UEVLD: variants seen among roughly 807,000 people sequenced by gnomAD.
The protein encoded by UEVLD is UEV and lactate/malate dehyrogenase domains, also known as ubiquitin-conjugating enzyme E2 variant 3.
A neutral mutation model predicts 58.6 loss-of-function variants in UEVLD; 47 were observed. The observed-to-expected ratio is 0.80, with a 90% confidence interval of 0.63 to 1.02. The LOEUF is 1.02. UEVLD is among the 50% of genes least tolerant of loss of function. The pLI is 0.00. For synonymous variants in UEVLD, 197 were observed against 195.3 expected (o/e 1.01, Z -0.07); for missense variants, 510 against 550.6 (o/e 0.93, Z 0.74).
Position 18,532,269 on chromosome 11 carries a change from A to G in UEVLD, c.*51T>C. 1.3e-6 allele frequency: 2 copies of G among 1,511,152 alleles called. No homozygotes were observed. Among genetic ancestry groups the G allele is most frequent in the South Asian group, 1.3e-5 (1 of 74,440 alleles). The allele number at this position is 1,511,152 out of a possible 1,614,324, so 93.6% of individuals were successfully genotyped here. A position where few individuals can be genotyped will look rare whatever the true frequency, so the allele number is the denominator to read the frequency against. On this transcript the variant is annotated 3_prime_UTR_variant, in exon 12 of 12. Transcript: ENST00000396197. ...CAAACCTATATATAGGTAAAATTAA[A>G]TGACTTTTCCCTTTAGGTAGAAGTC...
At chr11:18,544,847 T>C in intron 8 of UEVLD, 51 bp from the exon 9 acceptor site, 2 of 1,356,082 alleles carry the variant, frequency 1.5e-6, no homozygotes, top group South Asian at 1.6e-5. Context: ...AATATATACT[T>C]CTAGCCTAGC....
chr11:18,545,667 A>G (rs1213659321), intron 8 of UEVLD, among the ~76,000 whole-genome samples: 1 of 142,682 alleles, frequency 7.0e-6, no homozygotes, highest in East Asian at 2.2e-4. Flanking sequence ...CTGGTCTCAA[A>G]CTCCTGACCT....
At chr11:18,582,142 C>T (rs1853272205) in intron 1 of UEVLD, among the ~76,000 whole-genome samples, 1 of 152,130 alleles carries the variant, frequency 6.6e-6, no homozygotes, top group African/African-American at 2.4e-5. Flanking sequence ...GTTTCATTTT[C>T]CACTATTTTT....
chr11:18,554,729 G>A (rs1459092709), intron 7 of UEVLD, among the ~76,000 whole-genome samples: 2 of 152,032 alleles, frequency 1.3e-5, no homozygotes, highest in African/African-American at 4.8e-5. Flanking sequence ...TCTCCAGATT[G>A]TCGGTATATA....
intron 1 of UEVLD, among the ~76,000 whole-genome samples, chr11:18,581,187 GCTCTACTGCCTACAAA>G (rs1242062282): frequency 1.3e-5 from 2 of 150,094 alleles, no homozygotes; most frequent in African/African-American, 4.9e-5. Context: ...AAAAGATATA[GCTCTACTGCCTACAAA>G]CTTCAACAGG....
At chr11:18,534,222 G>A in intron 11 of UEVLD, 108 bp downstream of exon 11, 3 of 803,422 alleles carry the variant, frequency 3.7e-6, no homozygotes, top group Non-Finnish European at 5.3e-6. Flanking sequence ...TCTAAAAGCT[G>A]GTGATACTGA....
In UEVLD at chr11:18,566,384, C is replaced by T. The variant is rs754279767; in HGVS notation, c.456G>A (p.Gln152=). ...TTGCAATATAGGCTAGCAAGTCTACCTGCCGTGCCTCATCAGATGATGATA... is the reference window on the plus strand; with the variant it reads ...TTGCAATATAGGCTAGCAAGTCTACTTGCCGTGCCTCATCAGATGATGATA... ...YSLSSSDEAR[Q]VDLLAYIAKI... is the part of the protein sequence containing the mutation. The change falls in exon 5 of 12, where the codon CAG becomes CAA. Residue 152 remains glutamine (Q), a synonymous_variant. Coordinates refer to ENST00000396197, the MANE Select transcript of UEVLD (RefSeq NM_001040697.4). 1.2e-6 allele frequency: 2 copies of T among 1,614,096 alleles called. No individual in the cohort carries two copies. The highest frequency in any genetic ancestry group is 2.2e-5 in the South Asian group (2 of 91,078).
chr11:18,570,445 G>T, intron 3 of UEVLD, 68 bp from the exon 4 acceptor site: 1 of 1,385,868 alleles, frequency 7.2e-7, no homozygotes, highest in Non-Finnish European at 9.5e-7. Context: ...ATAGCTAGGC[G>T]GCATTTTAAG....
Position 18,530,322 on chromosome 11 carries a change from T to C in UEVLD, c.*1998A>G, listed in dbSNP as rs1009748809. On this transcript the variant is annotated 3_prime_UTR_variant, in exon 12 of 12. Coordinates refer to ENST00000396197, the MANE Select transcript of UEVLD (RefSeq NM_001040697.4). ...TCTCTTCAAATGTCCAAGGTTTTTA[T>C]TCAGTTAACTCTGGTTGGAATCTTT... 1.3e-5 allele frequency: 2 copies of C among 152,266 alleles called. No individual in the cohort carries two copies. The highest frequency in any genetic ancestry group is 2.9e-5 in the Non-Finnish European group (2 of 68,044). 9.4% of individuals were successfully genotyped at this position (152,266 alleles called of 1,614,324 possible). A position where few individuals can be genotyped will look rare whatever the true frequency, so the allele number is the denominator to read the frequency against.
intron 1 of UEVLD, 74 bp downstream of exon 1, chr11:18,588,539 G>A: frequency 6.4e-7 from 1 of 1,551,810 alleles, no homozygotes. Flanking sequence ...CAAAACGGAG[G>A]CAACCTGGCC....
intron 2 of UEVLD, among the ~76,000 whole-genome samples, chr11:18,577,451 A>G (rs1852975623): frequency 6.6e-6 from 1 of 152,234 alleles, no homozygotes; most frequent in Admixed American, 6.5e-5. Context: ...ACTGGGACAC[A>G]CTGATAGAGA....
chr11:18,566,325 T>C, intron 5 of UEVLD, 22 bp downstream of exon 5: 1 of 1,613,056 alleles, frequency 6.2e-7, no homozygotes, highest in South Asian at 1.1e-5. Flanking sequence ...CTCAAGATAA[T>C]CTGCCTGACA....
chr11:18,564,333 TATC>T (rs1852191041), intron 6 of UEVLD, among the ~76,000 whole-genome samples: 1 of 152,154 alleles, frequency 6.6e-6, no homozygotes, highest in Non-Finnish European at 1.5e-5. Flanking sequence ...GACATGCTGT[TATC>T]ATGATACTAG....
Position 18,546,899 on chromosome 11 carries a change from C to G in UEVLD, c.867G>C (p.Leu289=), listed in dbSNP as rs1035019970. The G allele has an allele frequency of 6.2e-7, 1 of 1,613,480 alleles. No individual in the cohort carries two copies. The highest frequency in any genetic ancestry group is 1.1e-5 in the South Asian group (1 of 90,948). ...ALGHYSQHSV[L]LVASQPVEIM... ...TTTTACCTGGTTGAGATGCAACGAG[C>G]AGGACACTGTGTTGACTATAATGTC... Residue 289 remains leucine, a synonymous_variant, in exon 8 of 12, where the codon CTG becomes CTC. Coordinates refer to ENST00000396197, the MANE Select transcript of UEVLD (RefSeq NM_001040697.4).
At position 18,570,325 on chromosome 11, in the gene UEVLD, G is replaced by A. The variant is rs140539629; in HGVS notation, c.246C>T (p.Phe82=). The change falls in exon 4 of 12, where the codon TTC becomes TTT. Residue 82 remains phenylalanine (F), a synonymous_variant. Coordinates refer to ENST00000396197, the MANE Select transcript of UEVLD (RefSeq NM_001040697.4). ...GCTTCAAGAAGCAAATAGGGGGAGCGAAAGGGTGAGAATCCAAAATCCAGA... is the reference window on the plus strand; with the variant it reads ...GCTTCAAGAAGCAAATAGGGGGAGCAAAAGGGTGAGAATCCAAAATCCAGA... ...IRFWILDSHP[F]APPICFLKPT... The A allele has an allele frequency of 3.4e-5, 53 of 1,581,270 alleles. 1 individual carries two copies. In the African/African-American group the frequency reaches 4.4e-4, roughly 13 times the overall value.
At chr11:18,586,041 C>T (rs1853542436) in intron 1 of UEVLD, among the ~76,000 whole-genome samples, 2 of 152,086 alleles carry the variant, frequency 1.3e-5, no homozygotes, top group South Asian at 4.1e-4. Flanking sequence ...TGCATTGACC[C>T]TATAGATAAA....
chr11:18,577,271 T>C (rs1267703529), intron 2 of UEVLD, among the ~76,000 whole-genome samples: 2 of 152,180 alleles, frequency 1.3e-5, no homozygotes, highest in African/African-American at 2.4e-5. Context: ...CATTATCGCA[T>C]GTAACAAAAT....
intron 3 of UEVLD, among the ~76,000 whole-genome samples, chr11:18,572,061 C>T (rs1366873530): frequency 6.6e-6 from 1 of 151,774 alleles, no homozygotes; most frequent in Admixed American, 6.6e-5. Context: ...ACGGTGAAAC[C>T]CCATCTCTAC....
intron 7 of UEVLD, among the ~76,000 whole-genome samples, chr11:18,554,329 T>A (rs1851658372): frequency 6.6e-6 from 1 of 151,470 alleles, no homozygotes; most frequent in African/African-American, 2.4e-5. Flanking sequence ...CGACCTCAGG[T>A]GATCCTCCCG....
Sources: gnomAD v4.1 joint callset for allele counts (sites outside exome capture counted in the v4.1 genomes callset) on GRCh38, gnomAD v4.1.1 for gene constraint, MANE v1.5 for transcripts, NCBI Gene and HGNC (gene_info 2026-07-23, HGNC 2026-07-21) for gene names.